The following CCDC66 variants were observed in gnomAD, a reference collection of about 807,000 sequenced individuals.
CCDC66 encodes the protein coiled-coil domain-containing protein 66.
A neutral mutation model predicts 128.3 loss-of-function variants in CCDC66; 133 were observed. The ratio of observed to expected loss-of-function variants is 1.04; its 90% CI spans 0.90 to 1.20. The LOEUF (loss-of-function observed/expected upper bound fraction) is 1.20, where lower values mean the gene tolerates loss of function less well. Among genes scored for constraint, CCDC66 ranks in the 50% most tolerant of loss-of-function variants. The pLI, the probability that CCDC66 is intolerant of heterozygous loss-of-function variation, is 0.00. For missense variants in CCDC66, 1,126 were observed against 1,075.5 expected (o/e 1.05, Z -0.66); for synonymous variants, 387 against 357.0 (o/e 1.08, Z -0.95).
chr3:56,581,381 A>G (rs985871826), intron 7 of CCDC66, among the ~76,000 whole-genome samples: 2 of 151,660 alleles, frequency 1.3e-5, no homozygotes, highest in Non-Finnish European at 2.9e-5. Flanking sequence ...GAAGTTTGTT[A>G]TTACCGATCG....
chr3:56,617,513 C>T lies in CCDC66; in HGVS notation c.2245C>T (p.His749Tyr). 6.2e-7 allele frequency: 1 copy of T among 1,613,652 alleles called. No individual in the cohort carries two copies. Among genetic ancestry groups the T allele is most frequent in the South Asian group, 1.1e-5 (1 of 90,922 alleles). Residue 749 changes from histidine (H) to tyrosine (Y), a missense_variant, in exon 14 of 18, where the codon CAC (histidine) becomes TAC (tyrosine). His to Tyr is a moderately conservative substitution (Grantham distance 83). Transcript: ENST00000394672. ...LHLVEKNNPG[H>Y]LSQNRGISPE... is the part of the protein sequence containing the mutation. ...TTTGGTAGAAAAAAATAATCCTGGG[C>T]ACCTCTCTCAAAACAGAGGCATTTC...
At position 56,593,077 on chromosome 3, in the gene CCDC66, A is replaced by G. The variant is rs775235517; in HGVS notation, c.1044A>G (p.Ile348Met). 3.1e-6 allele frequency: 5 copies of G among 1,601,004 alleles called. No homozygotes were observed. The highest frequency in any genetic ancestry group is 2.2e-5 in the East Asian group (1 of 44,694). Residue 348 changes from isoleucine to methionine, a missense_variant, in exon 8 of 18, where the codon ATA (isoleucine) becomes ATG (methionine). Coordinates refer to ENST00000394672, the MANE Select transcript of CCDC66 (RefSeq NM_001141947.3). ...TAGAAGATGACCGTCAAAGAAAAAT[A>G]GAGGAAAAAATTATATATTCAAAGG... ...KQIEDDRQRK[I>M]EEKIIYSKGE...
chr3:56,565,454 TTC>T (rs1244555694), intron 4 of CCDC66, among the ~76,000 whole-genome samples: 86 of 147,094 alleles, frequency 5.8e-4, no homozygotes, highest in African/African-American at 2.1e-3. Context: ...TTTTTTTTTT[TTC>T]TTTTTTTTGT....
chr3:56,602,061 A>G (rs1289062550), intron 10 of CCDC66, among the ~76,000 whole-genome samples: 1 of 152,046 alleles, frequency 6.6e-6, no homozygotes, highest in African/African-American at 2.4e-5. Flanking sequence ...TTTCAAGGGA[A>G]TGCTTCCAGT....
chr3:56,573,941 T>A (rs28493474), intron 7 of CCDC66, among the ~76,000 whole-genome samples: 2,027 of 151,854 alleles, frequency 0.013, 47 homozygotes, highest in African/African-American at 0.045. Context: ...ATTTAAAAAA[T>A]TTTTGGAATC....
chr3:56,605,337 G>C (rs546395433), intron 10 of CCDC66, among the ~76,000 whole-genome samples: 1 of 152,160 alleles, frequency 6.6e-6, no homozygotes, highest in African/African-American at 2.4e-5. Flanking sequence ...TGATCCTTTG[G>C]AGGAGAAGAG....
At chr3:56,576,637 A>G (rs1402020525) in intron 7 of CCDC66, among the ~76,000 whole-genome samples, 1 of 144,314 alleles carries the variant, frequency 6.9e-6, no homozygotes, top group Non-Finnish European at 1.5e-5. Flanking sequence ...GTTCCCACCT[A>G]TAAGTGAGAA....
At chr3:56,615,826 T>C in intron 12 of CCDC66, 96 bp from the exon 13 acceptor site, 1 of 1,077,084 alleles carries the variant, frequency 9.3e-7, no homozygotes, top group Non-Finnish European at 1.3e-6. Flanking sequence ...GTGTTCATTC[T>C]GATTAAGTGA....
At chr3:56,599,692 G>C (rs893695217) in intron 10 of CCDC66, among the ~76,000 whole-genome samples, 2 of 152,022 alleles carry the variant, frequency 1.3e-5, no homozygotes, top group African/African-American at 4.8e-5. Context: ...ACAGTTGCCA[G>C]TGTTCCTCTC....
intron 6 of CCDC66, chr3:56,569,454 G>C (rs1284644827): frequency 5.2e-6 from 1 of 192,540 alleles, no homozygotes; most frequent in East Asian, 1.3e-4. Flanking sequence ...TACACAACCA[G>C]CTCTCATGTG....
chr3:56,617,368 G>A lies in CCDC66; in HGVS notation c.2100G>A (p.Arg700=). The part of the protein sequence containing the change: ...QTKHMKKYPK[R]PDWNINKPPK... The stretch of plus-strand genomic sequence containing the variant: ...AACACATGAAGAAATATCCTAAAAG[G>A]CCTGATTGGAATATAAATAAGCCAC... Residue 700 remains arginine (R), a synonymous_variant, in exon 14 of 18, where the codon AGG becomes AGA. Coordinates refer to ENST00000394672, the MANE Select transcript of CCDC66 (RefSeq NM_001141947.3). The A allele has an allele frequency of 2.5e-6, 4 of 1,613,684 alleles. No individual in the cohort carries two copies. Among genetic ancestry groups the A allele is most frequent in the Admixed American group, 3.3e-5 (2 of 59,928 alleles).
At chr3:56,602,505 A>G (rs527347286) in intron 10 of CCDC66, among the ~76,000 whole-genome samples, 2 of 152,124 alleles carry the variant, frequency 1.3e-5, no homozygotes, top group South Asian at 2.1e-4. Flanking sequence ...TTAATTAGGG[A>G]GGATTCCCTC....
Position 56,593,615 on chromosome 3 carries a change from C to G in CCDC66, c.1193C>G (p.Thr398Ser). 1.9e-6 allele frequency: 3 copies of G among 1,614,182 alleles called. No individual in the cohort carries two copies. The highest frequency in any genetic ancestry group is 2.5e-6 in the Non-Finnish European group (3 of 1,180,022). ...GAGTACTTCTGTGTCTCTCCTGACA[C>G]TCAGGAGCTGGCTGATGTCAGCAGT... ...QPEYFCVSPD[T>S]QELADVSSVC... The change falls in exon 9 of 18, where the codon ACT becomes AGT. Residue 398 changes from threonine to serine, a missense_variant. Thr to Ser is a moderately conservative substitution (Grantham distance 58). Coordinates refer to ENST00000394672, the MANE Select transcript of CCDC66 (RefSeq NM_001141947.3).
Position 56,593,567 on chromosome 3 carries a change from C to G in CCDC66, c.1145C>G (p.Ser382Cys). The change falls in exon 9 of 18, where the codon TCT becomes TGT. Residue 382 changes from serine (S) to cysteine (C), a missense_variant. Ser to Cys is a moderately radical substitution (Grantham distance 112). Transcript: ENST00000394672. ...SYPGSQSQLF[S>C]QSTHKQPEYF... ...CCTGGTTCTCAATCTCAGCTGTTCTCTCAGTCAACACACAAACAACCTGAG... is the reference window on the plus strand; with the variant it reads ...CCTGGTTCTCAATCTCAGCTGTTCTGTCAGTCAACACACAAACAACCTGAG... 8 of 1,614,148 alleles carry G rather than the reference C, an allele frequency of 5.0e-6. No individual in the cohort carries two copies. Among genetic ancestry groups the G allele is most frequent in the Non-Finnish European group, 6.8e-6 (8 of 1,180,012 alleles).
intron 6 of CCDC66, among the ~76,000 whole-genome samples, chr3:56,567,704 GT>G (rs752068008): frequency 6.6e-5 from 10 of 151,822 alleles, no homozygotes; most frequent in Non-Finnish European, 1.2e-4. Context: ...GTTTTGTTTT[GT>G]TTTTTGAGAT....
intron 7 of CCDC66, among the ~76,000 whole-genome samples, chr3:56,577,590 A>G (rs976013201): frequency 4.6e-5 from 7 of 151,918 alleles, no homozygotes; most frequent in African/African-American, 1.4e-4. Flanking sequence ...TAATTTTTGT[A>G]TAAGGTGTAA....
intron 7 of CCDC66, among the ~76,000 whole-genome samples, chr3:56,576,718 C>T (rs965075189): frequency 2.2e-4 from 34 of 151,536 alleles, no homozygotes; most frequent in Admixed American, 1.7e-3. Context: ...CATCCATGTC[C>T]CTACAAAGGA....
In CCDC66 at chr3:56,617,312, A is replaced by C; in HGVS notation, c.2044A>C (p.Asn682His). 6.2e-7 allele frequency: 1 copy of C among 1,613,344 alleles called. No individual in the cohort carries two copies. Among genetic ancestry groups the C allele is most frequent in the Admixed American group, 1.7e-5 (1 of 59,868 alleles). ...KENNRCNDQCNQFTRIEKQTK... is the reference protein window; with the variant it reads ...KENNRCNDQCHQFTRIEKQTK... Reference sequence around the variant, plus strand: ...AAACAATCGGTGTAATGACCAGTGTAATCAGTTCACAAGAATAGAGAAACA... The same window carrying C: ...AAACAATCGGTGTAATGACCAGTGTCATCAGTTCACAAGAATAGAGAAACA... The change falls in exon 14 of 18, where the codon AAT becomes CAT. Residue 682 changes from asparagine (N) to histidine (H), a missense_variant. By Grantham distance (68) the Asn-to-His change is moderately conservative. Transcript: ENST00000394672.
chr3:56,593,353 A>C, intron 8 of CCDC66, 138 bp from the exon 9 acceptor site: 1 of 964,656 alleles, frequency 1.0e-6, no homozygotes, highest in South Asian at 1.7e-5. Flanking sequence ...AAGGACTCTA[A>C]ACAGTACAGT....
Sources: gnomAD v4.1 joint callset for allele counts (sites outside exome capture counted in the v4.1 genomes callset) on GRCh38, gnomAD v4.1.1 for gene constraint, MANE v1.5 for transcripts, NCBI Gene and HGNC (gene_info 2026-07-23, HGNC 2026-07-21) for gene names.